GALNT10: variants seen among roughly 807,000 people sequenced by gnomAD.
GALNT10 encodes the protein GalNAc transferase 10.
In GALNT10, 41 loss-of-function variants were observed where a neutral mutation model predicts 75.0. The ratio of observed to expected loss-of-function variants is 0.55; its 90% CI spans 0.43 to 0.71. GALNT10 has a LOEUF of 0.71. Among genes scored for constraint, GALNT10 ranks in the 30% least tolerant of loss-of-function variants. GALNT10 has a pLI of 0.00. For missense variants in GALNT10, 727 were observed against 818.5 expected, an observed-to-expected ratio of 0.89 and a Z score of 1.36; for synonymous variants, 302 against 313.0, an observed-to-expected ratio of 0.96 and a Z score of 0.37.
chr5:154,377,055 T>C (rs1292989125), intron 5 of GALNT10, among the ~76,000 whole-genome samples: 1 of 152,214 alleles, frequency 6.6e-6, no homozygotes, highest in Non-Finnish European at 1.5e-5. Flanking sequence ...ATTGCCTCCC[T>C]GTATTCACTT....
intron 1 of GALNT10, among the ~76,000 whole-genome samples, chr5:154,217,109 T>C (rs1482930602): frequency 6.6e-6 from 1 of 152,222 alleles, no homozygotes; most frequent in Non-Finnish European, 1.5e-5. Flanking sequence ...AAGCCTTGGA[T>C]GATAAATTAG....
At chr5:154,328,424 C>A (rs1276147452) in intron 3 of GALNT10, among the ~76,000 whole-genome samples, 4 of 152,194 alleles carry the variant, frequency 2.6e-5, no homozygotes, top group Admixed American at 2.0e-4. Context: ...TAAATCATTT[C>A]TCCTCCATTG....
At position 154,297,967 on chromosome 5, in the gene GALNT10, C is replaced by A. The variant is rs1754306143; in HGVS notation, c.289C>A (p.Pro97Thr). ...AAATGGAGAACAAGGAAGACCTTAC[C>A]CCATGACCGATGCTGAGAGAGTGGA... ...VGNGEQGRPY[P>T]MTDAERVDQA... Residue 97 changes from proline to threonine, a missense_variant, in exon 3 of 12, where the codon CCC (proline) becomes ACC (threonine). Pro to Thr is a conservative substitution (Grantham distance 38). Coordinates refer to ENST00000297107, the MANE Select transcript of GALNT10 (RefSeq NM_198321.4). 1 of 1,613,542 alleles carries A rather than the reference C, an allele frequency of 6.2e-7. No homozygotes were observed. Among genetic ancestry groups the A allele is most frequent in the African/African-American group, 1.3e-5 (1 of 74,856 alleles).
chr5:154,376,292 C>T lies in GALNT10; in HGVS notation c.584C>T (p.Pro195Leu). Residue 195 changes from proline (P) to leucine (L), a missense_variant, in exon 5 of 12, where the codon CCT becomes CTT. Coordinates refer to ENST00000297107, the MANE Select transcript of GALNT10 (RefSeq NM_198321.4). The surrounding 1 kb of genome is among the most constrained non-coding windows in gnomAD (Gnocchi z 4.1). Reference sequence around the variant, plus strand: ...TGTCTCATAGAGCACCTGAAGAAGCCTCTTGAAGACTACATGGCCCTTTTC... The same window carrying T: ...TGTCTCATAGAGCACCTGAAGAAGCTTCTTGAAGACTACATGGCCCTTTTC... Reference protein sequence around the residue: ...DFSDREHLKKPLEDYMALFPS... With the variant: ...DFSDREHLKKLLEDYMALFPS... The T allele has an allele frequency of 6.2e-7, 1 of 1,611,016 alleles. No individual in the cohort carries two copies. Among genetic ancestry groups the T allele is most frequent in the Non-Finnish European group, 8.5e-7 (1 of 1,177,774 alleles).
chr5:154,349,755 T>C (rs1755179445), intron 4 of GALNT10: 1 of 152,022 alleles, frequency 6.6e-6, no homozygotes, highest in Non-Finnish European at 1.5e-5. Flanking sequence ...TAGCTTTCAG[T>C]ATGTTAGTGT....
intron 1 of GALNT10, chr5:154,287,504 G>C (rs563659659): frequency 4.6e-5 from 7 of 151,094 alleles, no homozygotes; most frequent in Admixed American, 2.0e-4. Flanking sequence ...ATTCTTCCCC[G>C]ATCGTCCCAG....
intron 3 of GALNT10, among the ~76,000 whole-genome samples, chr5:154,312,445 T>C (rs892671626): frequency 6.6e-6 from 1 of 152,218 alleles, no homozygotes; most frequent in Non-Finnish European, 1.5e-5. Context: ...TTTTCTTTGC[T>C]TATACAGTAT....
chr5:154,374,699 TA>T (rs1402327545), intron 4 of GALNT10, among the ~76,000 whole-genome samples: 18 of 152,244 alleles, frequency 1.2e-4, no homozygotes, highest in Admixed American at 1.3e-4. Flanking sequence ...GACTTTGCAT[TA>T]AAAGTAACAC....
In GALNT10 at chr5:154,416,769, A is replaced by G. The variant is rs1756519590; in HGVS notation, c.1654-45A>G. On this transcript the variant is annotated intron_variant, in intron 11 of 11. Transcript: ENST00000297107. The surrounding 1 kb of genome is among the most constrained non-coding windows in gnomAD (Gnocchi z 4.5). Reference sequence around the variant, plus strand: ...TATTGTTGCTGTGGTTTGACTGGCCACATGTCTCCAGTGCTGTCTGGCTTA... The same window carrying G: ...TATTGTTGCTGTGGTTTGACTGGCCGCATGTCTCCAGTGCTGTCTGGCTTA... 2 of 1,446,990 alleles carry G rather than the reference A, an allele frequency of 1.4e-6. No individual in the cohort carries two copies. The highest frequency in any genetic ancestry group is 2.8e-5 in the African/African-American group (2 of 71,664). 89.6% of individuals were successfully genotyped at this position (1,446,990 alleles called of 1,614,324 possible). A position where few individuals can be genotyped will look rare whatever the true frequency, so the allele number is the denominator to read the frequency against.
chr5:154,381,867 C>T (rs1382903280), intron 6 of GALNT10, among the ~76,000 whole-genome samples: 1 of 152,210 alleles, frequency 6.6e-6, no homozygotes, highest in African/African-American at 2.4e-5. Flanking sequence ...CCTTCTTTCA[C>T]TTATAAGCCC....
At chr5:154,293,462 C>A (rs1754225573) in intron 1 of GALNT10, among the ~76,000 whole-genome samples, 3 of 152,036 alleles carry the variant, frequency 2.0e-5, no homozygotes, top group Admixed American at 2.0e-4. Flanking sequence ...CTGCTGACCC[C>A]AGTCACTGGA....
intron 1 of GALNT10, among the ~76,000 whole-genome samples, chr5:154,256,904 G>T (rs10074382): frequency 0.65 from 98,987 of 151,864 alleles, 32,657 homozygotes; most frequent in East Asian, 0.86. Flanking sequence ...GGGCAGTGCT[G>T]AGCTGTTTCA....
chr5:154,413,685 G>A (rs772883863), intron 10 of GALNT10, among the ~76,000 whole-genome samples: 1 of 152,206 alleles, frequency 6.6e-6, no homozygotes, highest in Non-Finnish European at 1.5e-5. Context: ...GGGAAGCTTA[G>A]GGGAGGCTTG....
intron 1 of GALNT10, among the ~76,000 whole-genome samples, chr5:154,196,043 C>A (rs1259205478): frequency 6.6e-6 from 1 of 152,116 alleles, no homozygotes; most frequent in East Asian, 1.9e-4. Context: ...CTGCCTCAGC[C>A]TTCCCAAGTA....
chr5:154,298,961 G>C lies in GALNT10; in HGVS notation c.401+882G>C, dbSNP rs1278499589. ...GGGGATGCTGGCGCTGCTTATCTTGGGACCACACTTTGAGAATCACTGCAA... is the reference window on the plus strand; with the variant it reads ...GGGGATGCTGGCGCTGCTTATCTTGCGACCACACTTTGAGAATCACTGCAA... On this transcript the variant is annotated intron_variant, in intron 3 of 11. Transcript: ENST00000297107. The surrounding 1 kb of genome is among the most constrained non-coding windows in gnomAD (Gnocchi z 4.1). Among the ~76,000 whole-genome samples, 1 of 152,108 alleles carries C rather than the reference G, an allele frequency of 6.6e-6. No individual in the cohort carries two copies. Among genetic ancestry groups the C allele is most frequent in the Admixed American group, 6.6e-5 (1 of 15,264 alleles).
rs566473185 is a variant in GALNT10, at chr5:154,333,746, C to T, written c.568+4008C>T. On this transcript the variant is annotated intron_variant, in intron 4 of 11. Coordinates refer to ENST00000297107, the MANE Select transcript of GALNT10 (RefSeq NM_198321.4). ...CCATTTCACAGATGAGAATGAAAAC[C>T]GAGGCCCCCTGATCACTGCCCCCTT... 3.9e-5 allele frequency among the ~76,000 whole-genome samples: 6 copies of T among 152,188 alleles called. No individual in the cohort carries two copies. The South Asian group carries it at 1.0e-3, about 26-fold the overall frequency.
intron 1 of GALNT10, among the ~76,000 whole-genome samples, chr5:154,246,343 C>A (rs895977437): frequency 8.5e-5 from 13 of 152,192 alleles, no homozygotes; most frequent in African/African-American, 3.1e-4. Flanking sequence ...ATGGCTGGGT[C>A]AAATGGTATT....
chr5:154,267,384 G>A (rs1753795620), intron 1 of GALNT10, among the ~76,000 whole-genome samples: 1 of 152,174 alleles, frequency 6.6e-6, no homozygotes, highest in South Asian at 2.1e-4. Flanking sequence ...CTCTTGAATT[G>A]AATTCGGTGA....
At chr5:154,324,531 GC>G (rs1561661279) in intron 3 of GALNT10, among the ~76,000 whole-genome samples, 1 of 152,154 alleles carries the variant, frequency 6.6e-6, no homozygotes, top group Non-Finnish European at 1.5e-5. Flanking sequence ...CTCCCAAGAA[GC>G]CGTCAAAAAA....
Sources: allele counts gnomAD v4.1 joint callset (sites outside exome capture counted in the v4.1 genomes callset), GRCh38; gene constraint gnomAD v4.1.1; non-coding constraint Gnocchi (gnomAD v3.1); transcripts MANE v1.5; gene names NCBI Gene and HGNC (gene_info 2026-07-23, HGNC 2026-07-21).